The following FMN1 variants were observed in gnomAD, a reference collection of about 807,000 sequenced individuals.
FMN1 encodes the protein formin 1.
A neutral mutation model predicts 132.4 loss-of-function variants in FMN1; 110 were observed. The ratio of observed to expected loss-of-function variants is 0.83; its 90% CI spans 0.71 to 0.97. The LOEUF (loss-of-function observed/expected upper bound fraction) is 0.97, where lower values mean the gene tolerates loss of function less well. Among genes scored for constraint, FMN1 ranks in the 50% least tolerant of loss-of-function variants. The pLI is 0.00. For missense variants in FMN1, 1,792 were observed against 1,705.3 expected, an observed-to-expected ratio of 1.05 and a Z score of -0.90; for synonymous variants, 722 against 651.7, an observed-to-expected ratio of 1.11 and a Z score of -1.64.
chr15:33,120,402 A>G (rs571302193), intron 4 of FMN1, among the ~76,000 whole-genome samples: 1 of 152,270 alleles, frequency 6.6e-6, no homozygotes, highest in African/African-American at 2.4e-5. Flanking sequence ...CATAGTGTTT[A>G]CAGAGTGGTT....
chr15:33,082,093 A>ATGTGTGTGTGTGTGTG (rs61138142), intron 5 of FMN1, among the ~76,000 whole-genome samples: 31 of 120,404 alleles, frequency 2.6e-4, no homozygotes, highest in African/African-American at 8.8e-4. Context: ...CTGGAAAACA[A>ATGTGTGTGTGTGTGTG]TGTGTGTGTG....
chr15:32,779,932 G>T (rs566073123), intron 19 of FMN1, among the ~76,000 whole-genome samples: 1 of 152,312 alleles, frequency 6.6e-6, no homozygotes, highest in East Asian at 1.9e-4. Context: ...TACTGAGAGT[G>T]AAGAATCCTG....
chr15:33,158,659 T>G (rs569675357), intron 3 of FMN1, among the ~76,000 whole-genome samples: 2 of 152,278 alleles, frequency 1.3e-5, no homozygotes, highest in East Asian at 3.9e-4. Flanking sequence ...TGTACTGAAC[T>G]AGACTAAGGA....
At chr15:32,933,044 T>C (rs1246354191) in intron 9 of FMN1, among the ~76,000 whole-genome samples, 1 of 152,188 alleles carries the variant, frequency 6.6e-6, no homozygotes, top group African/African-American at 2.4e-5. Flanking sequence ...TAGTTTATCC[T>C]TCTTTTTCTA....
intron 4 of FMN1, among the ~76,000 whole-genome samples, chr15:33,139,600 TA>T (rs1963923738): frequency 6.6e-6 from 1 of 152,142 alleles, no homozygotes; most frequent in Non-Finnish European, 1.5e-5. Flanking sequence ...TCTAAATAAA[TA>T]AACAAATAAA....
intron 9 of FMN1, among the ~76,000 whole-genome samples, chr15:32,932,809 T>C (rs1187822860): frequency 6.6e-6 from 1 of 152,220 alleles, no homozygotes; most frequent in Non-Finnish European, 1.5e-5. Context: ...TAGGTTCTTA[T>C]AATCCTTCCA....
At chr15:32,829,284 C>G (rs146509413) in intron 17 of FMN1, among the ~76,000 whole-genome samples, 2 of 152,216 alleles carry the variant, frequency 1.3e-5, no homozygotes, top group Non-Finnish European at 2.9e-5. Context: ...ATTATTCCTA[C>G]TAAGTTAAAA....
chr15:33,089,107 G>A (rs1345265975), intron 4 of FMN1, 133 bp from the exon 5 acceptor site: 3 of 728,374 alleles, frequency 4.1e-6, no homozygotes, highest in Admixed American at 6.3e-5. Context: ...ATATTTTTAA[G>A]AGACTGCTTT....
At position 33,179,400 on chromosome 15, in the gene FMN1, A is replaced by G. The variant is rs141521036; in HGVS notation, c.-132+798T>C. The stretch of plus-strand genomic sequence containing the variant: ...TTCTAACATAAACTGAAAAAAATAT[A>G]TTTTTGCTCTTCCTTTTGCCTGAAC... On this transcript the variant is annotated intron_variant, in intron 3 of 20. Transcript: ENST00000616417. 3.9e-3 allele frequency among the ~76,000 whole-genome samples: 592 copies of G among 152,280 alleles called. 2 individuals carry two copies. The highest frequency in any genetic ancestry group is 0.014 in the African/African-American group (576 of 41,554).
intron 9 of FMN1, among the ~76,000 whole-genome samples, chr15:32,953,252 T>C (rs1399263669): frequency 6.6e-6 from 1 of 152,192 alleles, no homozygotes; most frequent in East Asian, 1.9e-4. Context: ...CGCTGACCCA[T>C]AACATGACGA....
chr15:32,888,857 G>GTTT (rs34627075), intron 15 of FMN1, among the ~76,000 whole-genome samples: 1 of 135,602 alleles, frequency 7.4e-6, no homozygotes, highest in Non-Finnish European at 1.6e-5. Context: ...ATATACACAG[G>GTTT]TTTTTTTTTT....
intron 17 of FMN1, among the ~76,000 whole-genome samples, chr15:32,829,810 G>A (rs2058458978): frequency 6.6e-6 from 1 of 152,128 alleles, no homozygotes; most frequent in Non-Finnish European, 1.5e-5. Flanking sequence ...ATATAACCAT[G>A]TTCTATATCT....
intron 6 of FMN1, among the ~76,000 whole-genome samples, chr15:33,059,878 G>A (rs1229339272): frequency 6.6e-6 from 1 of 152,174 alleles, no homozygotes; most frequent in Non-Finnish European, 1.5e-5. Flanking sequence ...AACACAATAT[G>A]TGATTCTTGA....
chr15:32,994,576 T>C (rs541527983), intron 7 of FMN1, among the ~76,000 whole-genome samples: 1 of 152,330 alleles, frequency 6.6e-6, no homozygotes, highest in South Asian at 2.1e-4. Context: ...AATATCTGTT[T>C]CTCTGAATGG....
At chr15:32,887,237 A>C (rs941761722) in intron 16 of FMN1, among the ~76,000 whole-genome samples, 1 of 152,170 alleles carries the variant, frequency 6.6e-6, no homozygotes, top group Non-Finnish European at 1.5e-5. Flanking sequence ...TCTTGGTCTT[A>C]AAATATTCCT....
At position 32,901,110 on chromosome 15, in the gene FMN1, C is replaced by T. The variant is rs942996672; in HGVS notation, c.3507+801G>A. On this transcript the variant is annotated intron_variant, in intron 13 of 20. Coordinates refer to ENST00000616417, the MANE Select transcript of FMN1 (RefSeq NM_001277313.2). Reference sequence around the variant, plus strand: ...CAGAGGTTGCAATGAGCCGAGATCACGCTACTGCACTCCAGCCTGGGCAAG... The same window carrying T: ...CAGAGGTTGCAATGAGCCGAGATCATGCTACTGCACTCCAGCCTGGGCAAG... Among the ~76,000 whole-genome samples the T allele has an allele frequency of 4.6e-5, 7 of 152,088 alleles. No individual in the cohort carries two copies. The South Asian group carries it at 6.2e-4, about 14-fold the overall frequency.
In FMN1 at chr15:32,900,015, T is replaced by C; in HGVS notation, c.3618A>G (p.Leu1206=). 6.2e-7 allele frequency: 1 copy of C among 1,613,978 alleles called. No individual in the cohort carries two copies. Among genetic ancestry groups the C allele is most frequent in the Non-Finnish European group, 8.5e-7 (1 of 1,179,878 alleles). ...CATCCTTGAGTTTGGGCAGAATTTC[T>C]AAGCTATATCCATCGGCTTGTCCCC... The part of the protein sequence containing the change: ...RTRGQADGYS[L]EILPKLKDVK... Residue 1206 remains leucine (L), a synonymous_variant, in exon 14 of 21, where the codon TTA becomes TTG. Transcript: ENST00000616417.
At chr15:33,156,156 G>A (rs1964660227) in intron 3 of FMN1, among the ~76,000 whole-genome samples, 1 of 152,018 alleles carries the variant, frequency 6.6e-6, no homozygotes, top group East Asian at 1.9e-4. Context: ...TTGAGGAAGA[G>A]AGTGATAAAA....
chr15:33,034,300 G>T (rs1596518720), intron 6 of FMN1, among the ~76,000 whole-genome samples: 1 of 152,112 alleles, frequency 6.6e-6, no homozygotes, highest in South Asian at 2.1e-4. Context: ...CTATTGCTCA[G>T]GTCAAATACC....
Sources: allele counts gnomAD v4.1 joint callset (sites outside exome capture counted in the v4.1 genomes callset), GRCh38; gene constraint gnomAD v4.1.1; transcripts MANE v1.5; gene names NCBI Gene and HGNC (gene_info 2026-07-23, HGNC 2026-07-21).